The following SNAPC3 variants were observed in gnomAD, a reference collection of about 807,000 sequenced individuals.
The protein encoded by SNAPC3 is small nuclear RNA activating complex polypeptide 3.
In SNAPC3, 56 loss-of-function variants were observed where a neutral mutation model predicts 47.7. The observed-to-expected ratio is 1.18, with a 90% CI of 0.95 to 1.47. The LOEUF is 1.47. SNAPC3 is among the 40% of genes most tolerant of loss of function. SNAPC3 has a pLI of 0.00. For missense variants in SNAPC3, 665 were observed against 511.3 expected, an observed-to-expected ratio of 1.30 and a Z score of -2.90; for synonymous variants, 235 against 189.9, an observed-to-expected ratio of 1.24 and a Z score of -1.95.
At chr9:15,462,026 T>C (rs937647428), downstream of SNAPC3, 1 of 152,220 alleles carries the variant, frequency 6.6e-6, no homozygotes, top group African/African-American at 2.4e-5. Flanking sequence ...ATTCCTTTAT[T>C]TTCAATACTG....
chr9:15,433,543 C>A lies in SNAPC3; in HGVS notation c.393-9C>A. On this transcript the variant is annotated splice_polypyrimidine_tract_variant and intron_variant, in intron 2 of 8. Coordinates refer to ENST00000380821, the MANE Select transcript of SNAPC3 (RefSeq NM_001039697.2). ...TTTGATTTTTTTTTTTCTTTTACAT[C>A]TACAACAGGGTTAGAAAAAGGTTCT... 1 of 1,535,976 alleles carries A rather than the reference C, an allele frequency of 6.5e-7. No homozygotes were observed. The highest frequency in any genetic ancestry group is 8.9e-7 in the Non-Finnish European group (1 of 1,124,488).
At chr9:15,451,726 C>T (rs1454482935) in intron 6 of SNAPC3, among the ~76,000 whole-genome samples, 1 of 151,976 alleles carries the variant, frequency 6.6e-6, no homozygotes, top group Non-Finnish European at 1.5e-5. Context: ...AAATAAATCA[C>T]CTTAACATGC....
intron 3 of SNAPC3, among the ~76,000 whole-genome samples, chr9:15,444,330 C>T (rs939587042): frequency 6.6e-6 from 1 of 152,208 alleles, no homozygotes; most frequent in East Asian, 1.9e-4. Flanking sequence ...CCTGTTTGCT[C>T]ATCAACTGCT....
intron 3 of SNAPC3, among the ~76,000 whole-genome samples, chr9:15,436,096 G>T (rs552017808): frequency 1.3e-5 from 2 of 152,012 alleles, no homozygotes; most frequent in African/African-American, 2.4e-5. Flanking sequence ...CATGCGCCTC[G>T]GTCTCCCAAA....
rs752698473 is a variant in SNAPC3 at position 15,460,915 on chromosome 9, A to G, written c.*1049A>G. The G allele has an allele frequency of 6.6e-6, 1 of 152,194 alleles. No homozygotes were observed. The highest frequency in any genetic ancestry group is 1.5e-5 in the Non-Finnish European group (1 of 68,040). 9.4% of individuals were successfully genotyped at this position (152,194 alleles called of 1,614,324 possible). ...TAAAATATGTCAATTTAATACTATG[A>G]TTTAAAAAACAATAGCAGATTTCGT... On this transcript the variant is annotated 3_prime_UTR_variant, in exon 9 of 9. Coordinates refer to ENST00000380821, the MANE Select transcript of SNAPC3 (RefSeq NM_001039697.2).
At chr9:15,464,690 T>A (rs369860799), downstream of SNAPC3, 1 of 198,540 alleles carries the variant, frequency 5.0e-6, no homozygotes, top group East Asian at 7.9e-5. Context: ...ACAACATTCC[T>A]CAAAAATAAA....
chr9:15,438,701 T>C (rs562082606), intron 3 of SNAPC3, among the ~76,000 whole-genome samples: 1 of 152,314 alleles, frequency 6.6e-6, no homozygotes. Context: ...GTTATTGATT[T>C]CTAATATTCA....
chr9:15,427,674 A>G (rs936636264), intron 2 of SNAPC3, among the ~76,000 whole-genome samples: 3 of 152,222 alleles, frequency 2.0e-5, no homozygotes, highest in Non-Finnish European at 4.4e-5. Flanking sequence ...TTAATACAAT[A>G]GAAATTTTAG....
chr9:15,443,543 A>G (rs79136093), intron 3 of SNAPC3, among the ~76,000 whole-genome samples: 28 of 152,262 alleles, frequency 1.8e-4, no homozygotes, highest in East Asian at 1.4e-3. Context: ...TCTGCGGTCA[A>G]TCAGTGATCT....
intron 3 of SNAPC3, among the ~76,000 whole-genome samples, chr9:15,439,268 C>T (rs1177881383): frequency 6.6e-6 from 1 of 152,170 alleles, no homozygotes; most frequent in Admixed American, 6.5e-5. Context: ...ACCTTGGTCT[C>T]CCATGCTTCT....
chr9:15,440,324 A>C (rs1020277960), intron 3 of SNAPC3, among the ~76,000 whole-genome samples: 1 of 152,146 alleles, frequency 6.6e-6, no homozygotes, highest in Non-Finnish European at 1.5e-5. Flanking sequence ...TTTTCATTTC[A>C]GCCTGAAGAA....
At chr9:15,449,065 C>G (rs1234460157) in intron 5 of SNAPC3, among the ~76,000 whole-genome samples, 1 of 152,118 alleles carries the variant, frequency 6.6e-6, no homozygotes, top group African/African-American at 2.4e-5. Flanking sequence ...CCGCCTCAGC[C>G]TCCTAAAGTG....
At position 15,422,988 on chromosome 9, in the gene SNAPC3, C is replaced by A; in HGVS notation, c.109C>A (p.Leu37Ile). ...CTTTCCAGAGTATGAGCTTCCCGAGCTAAATACGCGCGCTTTCCATGTGGG... is the reference window on the plus strand; with the variant it reads ...CTTTCCAGAGTATGAGCTTCCCGAGATAAATACGCGCGCTTTCCATGTGGG... ...CNFPEYELPE[L>I]NTRAFHVGAF... is the part of the protein sequence containing the mutation. Residue 37 changes from leucine to isoleucine, a missense_variant, in exon 1 of 9, where the codon CTA becomes ATA. Transcript: ENST00000380821. 1 of 1,546,178 alleles carries A rather than the reference C, an allele frequency of 6.5e-7. No individual in the cohort carries two copies. Among genetic ancestry groups the A allele is most frequent in the Non-Finnish European group, 8.7e-7 (1 of 1,153,432 alleles).
At chr9:15,450,767 A>G (rs2034326625) in intron 5 of SNAPC3, among the ~76,000 whole-genome samples, 2 of 152,228 alleles carry the variant, frequency 1.3e-5, no homozygotes, top group Non-Finnish European at 2.9e-5. Flanking sequence ...TTTTGCAGTC[A>G]GGATTGAGAG....
intron 3 of SNAPC3, among the ~76,000 whole-genome samples, chr9:15,442,097 G>A (rs1243460648): frequency 1.3e-5 from 2 of 150,840 alleles, no homozygotes; most frequent in African/African-American, 4.9e-5. Context: ...CGGGGCGGCT[G>A]GCCAGGCGGG....
chr9:15,459,302 C>T (rs1429792208), intron 8 of SNAPC3, among the ~76,000 whole-genome samples: 1 of 152,112 alleles, frequency 6.6e-6, no homozygotes, highest in African/African-American at 2.4e-5. Context: ...ACTCATTTAT[C>T]AGTTAAGAAG....
chr9:15,449,550 TATATATATA>T (rs1563851055), intron 5 of SNAPC3, among the ~76,000 whole-genome samples: 2 of 35,726 alleles, frequency 5.6e-5, no homozygotes, highest in African/African-American at 2.5e-4. Context: ...TATATATATA[TATATATATA>T]TATATTTTTT....
At chr9:15,448,738 C>G (rs1037121979) in intron 5 of SNAPC3, among the ~76,000 whole-genome samples, 1 of 152,046 alleles carries the variant, frequency 6.6e-6, no homozygotes, top group Admixed American at 6.6e-5. Flanking sequence ...CATCTCAGTG[C>G]TTTTGGAGAG....
intron 3 of SNAPC3, among the ~76,000 whole-genome samples, chr9:15,442,334 C>T (rs1466765100): frequency 2.0e-4 from 30 of 151,200 alleles, no homozygotes; most frequent in African/African-American, 5.8e-4. Context: ...GCTGGCTGGA[C>T]GGGGCGGCTG....
Sources: allele counts gnomAD v4.1 joint callset (sites outside exome capture counted in the v4.1 genomes callset), GRCh38; gene constraint gnomAD v4.1.1; transcripts MANE v1.5; gene names NCBI Gene and HGNC (gene_info 2026-07-23, HGNC 2026-07-21).